Variants in ZNRF1 observed in about 807,000 individuals in gnomAD.
ZNRF1 encodes zinc and ring finger 1.
In ZNRF1, 3 loss-of-function variants were observed where a neutral mutation model predicts 18.4. The ratio of observed to expected loss-of-function variants is 0.16; its 90% CI spans 0.07 to 0.42. The LOEUF is 0.42. ZNRF1 is among the 10% of genes least tolerant of loss of function. The probability of loss-of-function intolerance (pLI) is 0.99; values close to 1 mark genes in which losing one functional copy is unlikely to be tolerated. For synonymous variants in ZNRF1, 157 were observed against 144.2 expected (o/e 1.09, Z -0.64); for missense variants, 310 against 329.8 (o/e 0.94, Z 0.47).
At chr16:75,050,814 T>C (rs1342226960) in intron 1 of ZNRF1, among the ~76,000 whole-genome samples, 1 of 126,914 alleles carries the variant, frequency 7.9e-6, no homozygotes, top group Non-Finnish European at 1.6e-5. Flanking sequence ...GAGCTTGCAG[T>C]GAGCCAAGAT....
At chr16:75,034,487 A>G (rs1230259227) in intron 1 of ZNRF1, among the ~76,000 whole-genome samples, 1 of 152,202 alleles carries the variant, frequency 6.6e-6, no homozygotes, top group Non-Finnish European at 1.5e-5. Flanking sequence ...TTTTATGTAC[A>G]TAACACATTT....
chr16:75,000,168 AG>A, intron 1 of ZNRF1, 73 bp downstream of exon 1: 1 of 1,546,894 alleles, frequency 6.5e-7, no homozygotes, highest in Non-Finnish European at 8.7e-7. Flanking sequence ...GTGCGTGCCA[AG>A]GTTTGGGAAT....
intron 1 of ZNRF1, among the ~76,000 whole-genome samples, chr16:75,070,711 T>C (rs986782542): frequency 1.3e-5 from 2 of 152,128 alleles, no homozygotes; most frequent in African/African-American, 4.8e-5. Flanking sequence ...AGGTACTGCT[T>C]TCCTGACTTG....
intron 1 of ZNRF1, among the ~76,000 whole-genome samples, chr16:75,087,876 C>T (rs772821096): frequency 6.6e-6 from 1 of 152,204 alleles, no homozygotes. Flanking sequence ...TGCAGGGAGC[C>T]GCTGGGGCGC....
At chr16:75,010,598 G>C (rs1597855378) in intron 1 of ZNRF1, among the ~76,000 whole-genome samples, 1 of 151,988 alleles carries the variant, frequency 6.6e-6, no homozygotes, top group East Asian at 1.9e-4. Context: ...TGTCATAGGA[G>C]TGCTCCAACT....
chr16:75,097,441 A>G (rs1163607709), intron 2 of ZNRF1, among the ~76,000 whole-genome samples: 1 of 152,216 alleles, frequency 6.6e-6, no homozygotes, highest in East Asian at 1.9e-4. Context: ...TCAGCTTCTT[A>G]TGTCATGATG....
chr16:75,014,649 G>A (rs755825041), intron 1 of ZNRF1, among the ~76,000 whole-genome samples: 22 of 151,978 alleles, frequency 1.4e-4, no homozygotes, highest in Non-Finnish European at 2.9e-4. Flanking sequence ...GAAATAGTGG[G>A]GTTACAGGGT....
chr16:75,102,374 G>T (rs1344353773), intron 2 of ZNRF1, among the ~76,000 whole-genome samples: 1 of 152,284 alleles, frequency 6.6e-6, no homozygotes, highest in East Asian at 1.9e-4. Flanking sequence ...AACACTGGGT[G>T]CCCTGCCCAG....
chr16:75,043,276 C>T (rs1266438044), intron 1 of ZNRF1, among the ~76,000 whole-genome samples: 1 of 152,188 alleles, frequency 6.6e-6, no homozygotes, highest in Non-Finnish European at 1.5e-5. Flanking sequence ...CCTGTTCTTG[C>T]CTAAGCCTGT....
At chr16:75,066,088 A>G (rs779422097) in intron 1 of ZNRF1, among the ~76,000 whole-genome samples, 7 of 152,308 alleles carry the variant, frequency 4.6e-5, no homozygotes, top group Non-Finnish European at 8.8e-5. Context: ...TTTCCCATTC[A>G]ATTCCAGAAG....
intron 1 of ZNRF1, among the ~76,000 whole-genome samples, chr16:75,028,945 T>C (rs1301422440): frequency 6.6e-6 from 1 of 152,212 alleles, no homozygotes; most frequent in Admixed American, 6.5e-5. Context: ...CTACCTCAAA[T>C]GTTGAAAGGC....
At position 75,107,722 on chromosome 16, in the gene ZNRF1, G is replaced by C. The variant is rs1408293902; in HGVS notation, c.*33-11G>C. ...CGATGGAGCACGACTTATTTATTACGGTCCACACAGGGACAGAGCGCCCCT... is the reference window on the plus strand; with the variant it reads ...CGATGGAGCACGACTTATTTATTACCGTCCACACAGGGACAGAGCGCCCCT... On this transcript the variant is annotated splice_polypyrimidine_tract_variant and intron_variant, in intron 4 of 4. Transcript: ENST00000335325. The C allele has an allele frequency of 4.4e-6, 2 of 456,228 alleles. No individual in the cohort carries two copies. Among genetic ancestry groups the C allele is most frequent in the Non-Finnish European group, 4.4e-6 (1 of 226,784 alleles). 28.3% of individuals were successfully genotyped at this position (456,228 alleles called of 1,614,324 possible).
At chr16:75,004,879 G>T (rs1184704256) in intron 1 of ZNRF1, among the ~76,000 whole-genome samples, 1 of 152,132 alleles carries the variant, frequency 6.6e-6, no homozygotes, top group East Asian at 1.9e-4. Flanking sequence ...ACCTCCCAAG[G>T]TATTGGGATT....
Position 75,092,467 on chromosome 16 carries a change from G to A in ZNRF1, c.425-1105G>A, listed in dbSNP as rs540081156. Reference sequence around the variant, plus strand: ...ACTGTGATGTGCACAATTTAATGCAGAGAAATAAGATTTCAGTGGCAACAG... The same window carrying A: ...ACTGTGATGTGCACAATTTAATGCAAAGAAATAAGATTTCAGTGGCAACAG... On this transcript the variant is annotated intron_variant, in intron 1 of 4. Coordinates refer to ENST00000335325, the MANE Select transcript of ZNRF1 (RefSeq NM_032268.5). Among the ~76,000 whole-genome samples the A allele has an allele frequency of 1.7e-3, 263 of 152,352 alleles. 1 individual carries two copies. The highest frequency in any genetic ancestry group is 6.1e-3 in the African/African-American group (255 of 41,584).
At chr16:75,088,964 C>G (rs1344323327) in intron 1 of ZNRF1, among the ~76,000 whole-genome samples, 1 of 152,064 alleles carries the variant, frequency 6.6e-6, no homozygotes, top group African/African-American at 2.4e-5. Context: ...GTGATGGCAC[C>G]CGGCAGAGAT....
At chr16:75,002,852 C>T (rs757449374) in intron 1 of ZNRF1, among the ~76,000 whole-genome samples, 16 of 152,214 alleles carry the variant, frequency 1.1e-4, no homozygotes, top group Admixed American at 4.6e-4. Flanking sequence ...CTTTTCTCTC[C>T]GTTCTTCACA....
intron 1 of ZNRF1, among the ~76,000 whole-genome samples, chr16:75,067,046 G>A (rs186875875): frequency 1.3e-5 from 2 of 152,254 alleles, no homozygotes; most frequent in African/African-American, 4.8e-5. Flanking sequence ...CCATCTCAAA[G>A]GCTTTTCACT....
intron 1 of ZNRF1, among the ~76,000 whole-genome samples, chr16:75,038,318 G>A (rs543217846): frequency 6.6e-6 from 1 of 152,174 alleles, no homozygotes; most frequent in African/African-American, 2.4e-5. Flanking sequence ...TGGTGGGCAT[G>A]ATGAGGAGGC....
At chr16:75,105,125 A>C (rs762335121) in intron 3 of ZNRF1, 11 of 442,748 alleles carry the variant, frequency 2.5e-5, no homozygotes, top group Non-Finnish European at 4.6e-5. Context: ...TTGAGGGCTC[A>C]GGTGGTGGGA....
Sources: allele counts gnomAD v4.1 joint callset (sites outside exome capture counted in the v4.1 genomes callset), GRCh38; gene constraint gnomAD v4.1.1; transcripts MANE v1.5; gene names NCBI Gene and HGNC (gene_info 2026-07-23, HGNC 2026-07-21).